Variants in MACF1 observed in about 807,000 individuals in gnomAD.
MACF1 encodes the protein microtubule actin crosslinking factor 1.
Under a neutral mutation model 854.8 loss-of-function variants are expected in MACF1, and 193 were observed. That is an observed-to-expected ratio of 0.23 (90% CI 0.20 to 0.25). The LOEUF is 0.25. MACF1 is among the 10% of genes least tolerant of loss of function. MACF1 has a pLI of 1.00. For missense variants in MACF1, 7,722 were observed against 8,929.1 expected, an observed-to-expected ratio of 0.86 and a Z score of 5.45; for synonymous variants, 3,185 against 3,226.7, an observed-to-expected ratio of 0.99 and a Z score of 0.44.
chr1:39,481,998 T>G (rs1337010718), intron 99 of MACF1, among the ~76,000 whole-genome samples: 1 of 152,240 alleles, frequency 6.6e-6, no homozygotes, highest in East Asian at 1.9e-4. Flanking sequence ...TATCTTGCTT[T>G]TCTTCTTTCC....
At chr1:39,233,971 A>T (rs1323582233) in intron 2 of MACF1, among the ~76,000 whole-genome samples, 1 of 140,960 alleles carries the variant, frequency 7.1e-6, no homozygotes, top group Non-Finnish European at 1.6e-5. Context: ...GGTACTTGAG[A>T]TTAGGGAGTG....
intron 4 of MACF1, among the ~76,000 whole-genome samples, chr1:39,253,188 A>G (rs758918996): frequency 6.6e-6 from 1 of 152,136 alleles, no homozygotes; most frequent in Admixed American, 6.5e-5. Context: ...TCACTTTCCA[A>G]CTGGTAATAG....
chr1:39,324,272 A>G lies in MACF1; in HGVS notation c.4316A>G (p.Asn1439Ser). Residue 1439 changes from asparagine to serine, a missense_variant, in exon 34 of 101, where the codon AAT becomes AGT. Physicochemically the swap from Asn to Ser is conservative, Grantham distance 46. This residue lies in a region of MACF1 where 1,137 missense variants were observed against 1,263.0 expected (regional missense o/e 0.90). Transcript: ENST00000564288. ...LLGWVSTLAR[N>S]TQGKATSSET... Reference sequence around the variant, plus strand: ...GGCTGGGTGTCTACCCTAGCGAGGAATACACAAGGAAAAGCTACCTCATCC... The same window carrying G: ...GGCTGGGTGTCTACCCTAGCGAGGAGTACACAAGGAAAAGCTACCTCATCC... 6.2e-7 allele frequency: 1 copy of G among 1,614,036 alleles called. No individual in the cohort carries two copies. The highest frequency in any genetic ancestry group is 8.5e-7 in the Non-Finnish European group (1 of 1,179,926).
chr1:39,340,677 C>A lies in MACF1; in HGVS notation c.10391C>A (p.Ser3464Tyr). 3.7e-6 allele frequency: 6 copies of A among 1,614,138 alleles called. No homozygotes were observed. The highest frequency in any genetic ancestry group is 5.1e-6 in the Non-Finnish European group (6 of 1,180,018). The change falls in exon 39 of 101, where the codon TCC becomes TAC. Residue 3464 changes from serine (S) to tyrosine (Y), a missense_variant. Physicochemically the swap from Ser to Tyr is moderately radical, Grantham distance 144. This residue lies in a region of MACF1 where 854 missense variants were observed against 852.6 expected (regional missense o/e 1.00). Transcript: ENST00000564288. ...AGCTCTGTGAGTGACACTTGGAATT[C>A]CAGGCTACTCCACTTCCAGAATGCT... ...SLSSVSDTWN[S>Y]RLLHFQNAVE...
At chr1:39,168,777 A>T (rs1426555868) in intron 2 of MACF1, among the ~76,000 whole-genome samples, 4 of 151,930 alleles carry the variant, frequency 2.6e-5, no homozygotes, top group Non-Finnish European at 5.9e-5. Flanking sequence ...AGTATAAGTA[A>T]ATTTTCTTAT....
intron 2 of MACF1, chr1:39,103,859 T>G (rs1005183013): frequency 2.0e-5 from 3 of 152,252 alleles, no homozygotes; most frequent in Admixed American, 6.5e-5. Context: ...TGATTTCTGA[T>G]CAGGGTGTGG....
At chr1:39,224,659 G>GGA (rs935093991) in intron 1 of MACF1, among the ~76,000 whole-genome samples, 7 of 151,890 alleles carry the variant, frequency 4.6e-5, no homozygotes, top group African/African-American at 9.7e-5. Flanking sequence ...GAGAGAACCA[G>GGA]GAGAGAGAGA....
intron 5 of MACF1, among the ~76,000 whole-genome samples, chr1:39,256,937 G>A (rs1571227907): frequency 1.3e-5 from 2 of 151,194 alleles, no homozygotes; most frequent in East Asian, 3.9e-4. Flanking sequence ...TGGCCCTGAT[G>A]GCAATAAAAA....
chr1:39,352,454 G>A (rs2148503817), intron 43 of MACF1, among the ~76,000 whole-genome samples: 1 of 152,322 alleles, frequency 6.6e-6, no homozygotes. Context: ...TACCTCAAAA[G>A]ATTCTGTGAA....
intron 43 of MACF1, among the ~76,000 whole-genome samples, chr1:39,351,505 C>T (rs1443142214): frequency 6.6e-6 from 1 of 151,656 alleles, no homozygotes; most frequent in Admixed American, 6.6e-5. Context: ...TATACTCAGT[C>T]CTCTGACTAA....
chr1:39,275,000 A>T (rs564356890), intron 6 of MACF1, among the ~76,000 whole-genome samples: 3 of 152,216 alleles, frequency 2.0e-5, no homozygotes, highest in Non-Finnish European at 4.4e-5. Context: ...TCACAAAAAA[A>T]GGAAATCCAA....
rs140873304 is a variant in MACF1 at position 39,250,072 on chromosome 1, C to T, written c.230C>T (p.Ser77Phe). ...CTGCGGGATGGCCATAACCTGATCT[C>T]TCTGTTGGAGGTCCTCTCAGGCATC... The part of the protein sequence containing the change: ...EDLRDGHNLI[S>F]LLEVLSGIKL... Residue 77 changes from serine (S) to phenylalanine (F), a missense_variant, in exon 3 of 101, where the codon TCT (serine) becomes TTT (phenylalanine). Physicochemically the swap from Ser to Phe is radical, Grantham distance 155. Around this residue, in one of 15 missense-constraint regions of MACF1, gnomAD observed 82 missense variants for 84.0 expected, o/e 0.98. Coordinates refer to ENST00000564288, the MANE Select transcript of MACF1 (RefSeq NM_001394062.1). 1.9e-6 allele frequency: 3 copies of T among 1,613,834 alleles called. No individual in the cohort carries two copies. Among genetic ancestry groups the T allele is most frequent in the Non-Finnish European group, 2.5e-6 (3 of 1,179,774 alleles).
intron 84 of MACF1, 144 bp from the exon 85 acceptor site, chr1:39,450,908 G>T: frequency 1.1e-6 from 1 of 931,840 alleles, no homozygotes; most frequent in Non-Finnish European, 1.6e-6. Context: ...ACCGCGCCCG[G>T]CCTTTACTGT....
intron 6 of MACF1, among the ~76,000 whole-genome samples, chr1:39,271,552 A>G (rs1199333345): frequency 6.6e-6 from 1 of 152,230 alleles, no homozygotes; most frequent in Non-Finnish European, 1.5e-5. Flanking sequence ...AACCATATCA[A>G]CAAGTATTTG....
chr1:39,277,187 A>T (rs1052846015), intron 6 of MACF1, among the ~76,000 whole-genome samples: 2 of 151,338 alleles, frequency 1.3e-5, no homozygotes, highest in African/African-American at 4.8e-5. Flanking sequence ...AGTGTTATGT[A>T]ACTGGACTCT....
chr1:39,404,321 AT>A (rs1306396832), intron 58 of MACF1, among the ~76,000 whole-genome samples: 1 of 151,456 alleles, frequency 6.6e-6, no homozygotes, highest in Non-Finnish European at 1.5e-5. Flanking sequence ...AAATACAAAA[AT>A]TAGCTGGGCA....
At chr1:39,413,143 A>G (rs1746842) in intron 58 of MACF1, 71,999 of 1,612,478 alleles carry the variant, frequency 0.045, 1,864 homozygotes, top group African/African-American at 0.098. Context: ...TGCTTTAGCT[A>G]TTACAGTACC....
chr1:39,176,838 T>G (rs2148228447), intron 2 of MACF1, among the ~76,000 whole-genome samples: 1 of 152,304 alleles, frequency 6.6e-6, no homozygotes, highest in African/African-American at 2.4e-5. Context: ...TGATGTACAG[T>G]TGAATGCCTT....
chr1:39,218,619 T>TTA (rs2148287105), intron 1 of MACF1, among the ~76,000 whole-genome samples: 1 of 152,330 alleles, frequency 6.6e-6, no homozygotes, highest in East Asian at 1.9e-4. Flanking sequence ...TCTTGTGTTC[T>TTA]TATATGTGCC....
Sources: gnomAD v4.1 joint callset for allele counts (sites outside exome capture counted in the v4.1 genomes callset) on GRCh38, gnomAD v4.1.1 for gene constraint, gnomAD v4.1.1 regional missense constraint, MANE v1.5 for transcripts, NCBI Gene and HGNC (gene_info 2026-07-23, HGNC 2026-07-21) for gene names.